Variants in SRGAP3 observed in about 807,000 individuals in gnomAD.
SRGAP3 encodes SLIT-ROBO Rho GTPase activating protein 3, also known as SLIT-ROBO Rho GTPase-activating protein 3.
In SRGAP3, 39 loss-of-function variants were observed where a neutral mutation model predicts 121.1. The observed-to-expected ratio is 0.32, with a 90% CI of 0.25 to 0.42. SRGAP3 has a LOEUF of 0.42. Among genes scored for constraint, SRGAP3 ranks in the 10% least tolerant of loss-of-function variants. SRGAP3 has a pLI of 1.00. For synonymous variants in SRGAP3, 601 were observed against 570.0 expected (o/e 1.05, Z -0.77); for missense variants, 1,213 against 1,470.6 (o/e 0.82, Z 2.86).
At chr3:8,999,780 AT>A (rs1471331769) in intron 18 of SRGAP3, among the ~76,000 whole-genome samples, 1 of 152,094 alleles carries the variant, frequency 6.6e-6, no homozygotes, top group Non-Finnish European at 1.5e-5. Flanking sequence ...ACCAGCTGAT[AT>A]TGAGATTTAG....
At chr3:8,992,866 A>G (rs752146938) in intron 20 of SRGAP3, 40 bp downstream of exon 20, 35 of 1,613,836 alleles carry the variant, frequency 2.2e-5, no homozygotes, top group Non-Finnish European at 2.6e-5. Context: ...CATGAACAGG[A>G]TTGACACCAG....
chr3:9,222,454 A>C (rs1206510438), intron 1 of SRGAP3, among the ~76,000 whole-genome samples: 1 of 152,152 alleles, frequency 6.6e-6, no homozygotes, highest in African/African-American at 2.4e-5. Flanking sequence ...TTTATAATAA[A>C]ATCCATGTAT....
intron 4 of SRGAP3, among the ~76,000 whole-genome samples, chr3:9,066,503 T>C (rs1946435536): frequency 1.3e-5 from 2 of 152,210 alleles, no homozygotes; most frequent in African/African-American, 4.8e-5. Context: ...TCTGTGACTT[T>C]ATTTTTTCTT....
intron 1 of SRGAP3, among the ~76,000 whole-genome samples, chr3:9,126,215 T>C (rs1412739282): frequency 1.3e-5 from 2 of 152,082 alleles, no homozygotes; most frequent in African/African-American, 4.8e-5. Context: ...CCTCCCCTCC[T>C]CACAATGGTC....
intron 1 of SRGAP3, among the ~76,000 whole-genome samples, chr3:9,210,946 G>A (rs1035999150): frequency 2.6e-5 from 4 of 152,072 alleles, no homozygotes; most frequent in Non-Finnish European, 5.9e-5. Flanking sequence ...AATCATAATA[G>A]TATACATTAG....
chr3:9,037,769 A>G, intron 11 of SRGAP3: 2 of 514,956 alleles, frequency 3.9e-6, no homozygotes, highest in Non-Finnish European at 7.1e-6. Flanking sequence ...CACTCTGAGT[A>G]GACAATACTG....
At chr3:9,140,447 C>T (rs1393907205) in intron 1 of SRGAP3, among the ~76,000 whole-genome samples, 2 of 152,052 alleles carry the variant, frequency 1.3e-5, no homozygotes, top group African/African-American at 4.8e-5. Context: ...GAATATACAC[C>T]AAAATGTTAA....
chr3:9,325,037 T>C (rs1214195071), intron 3 of SRGAP3, among the ~76,000 whole-genome samples: 1 of 151,802 alleles, frequency 6.6e-6, no homozygotes, highest in Non-Finnish European at 1.5e-5. Context: ...TTAGCACCAC[T>C]CTCAGTTACC....
chr3:9,169,242 A>G (rs1261126025), intron 1 of SRGAP3, among the ~76,000 whole-genome samples: 9 of 152,258 alleles, frequency 5.9e-5, no homozygotes, highest in Admixed American at 5.2e-4. Context: ...CTGACTGCAA[A>G]GAAGCACTTT....
At chr3:9,179,772 CA>C (rs1482809824) in intron 1 of SRGAP3, among the ~76,000 whole-genome samples, 1 of 152,252 alleles carries the variant, frequency 6.6e-6, no homozygotes, top group Admixed American at 6.5e-5. Context: ...AACACACTTC[CA>C]AGGTGCCATG....
chr3:9,174,669 G>A (rs1233609736), intron 1 of SRGAP3, among the ~76,000 whole-genome samples: 3 of 152,210 alleles, frequency 2.0e-5, no homozygotes, highest in African/African-American at 7.2e-5. Flanking sequence ...TTCCAGCCTC[G>A]CCTGACCTTG....
chr3:9,353,331 A>G (rs923834924), intron 1 of SRGAP3, among the ~76,000 whole-genome samples: 5 of 152,256 alleles, frequency 3.3e-5, no homozygotes, highest in African/African-American at 1.2e-4. Context: ...TTGCAAAAGC[A>G]GTGTTTCAGC....
chr3:9,086,091 A>C lies in SRGAP3; in HGVS notation c.424-6004T>G, dbSNP rs1426129067. Among the ~76,000 whole-genome samples the C allele has an allele frequency of 2.6e-5, 4 of 151,938 alleles. No homozygotes were observed. The East Asian group carries it at 7.7e-4, about 29-fold the overall frequency. ...TTCCCAAGTGGCTGATCCAGAGAAC[A>C]CTCCTTCATCGTTCCCCTAGAAGCT... On this transcript the variant is annotated intron_variant, in intron 3 of 21. Coordinates refer to ENST00000383836, the MANE Select transcript of SRGAP3 (RefSeq NM_014850.4).
intron 1 of SRGAP3, among the ~76,000 whole-genome samples, chr3:9,162,856 A>G (rs1344579694): frequency 6.6e-6 from 1 of 152,068 alleles, no homozygotes; most frequent in East Asian, 1.9e-4. Context: ...AGTGTAAATG[A>G]CTCCAAAAGG....
rs147084185 is a variant in SRGAP3, at chr3:9,051,577, T to C, written c.1323+1450A>G. Among the ~76,000 whole-genome samples, 902 of 152,228 alleles carry C rather than the reference T, an allele frequency of 5.9e-3. 5 individuals carry two copies. Among genetic ancestry groups the C allele is most frequent in the Middle Eastern group, 0.01 (3 of 294 alleles). ...CTTAGGAAGAGTGAGGCCTGGTTAA[T>C]GGCAGCATGTAGGGAAGACAGCTAT... is the stretch of plus-strand genomic sequence containing the variant. On this transcript the variant is annotated intron_variant, in intron 9 of 21. Transcript: ENST00000383836.
intron 4 of SRGAP3, among the ~76,000 whole-genome samples, chr3:9,077,262 TGGAAGCACCAA>T (rs2125254845): frequency 6.6e-6 from 1 of 152,106 alleles, no homozygotes; most frequent in East Asian, 1.9e-4. Flanking sequence ...GTGAGCACCC[TGGAAGCACCAA>T]GGATGTACAA....
chr3:9,342,701 T>G (rs1485934160), intron 1 of SRGAP3, among the ~76,000 whole-genome samples: 3 of 152,172 alleles, frequency 2.0e-5, no homozygotes, highest in Non-Finnish European at 4.4e-5. Context: ...TGGCCTTCAG[T>G]GCCTTTACTT....
At chr3:9,097,048 T>A (rs1395482388) in intron 3 of SRGAP3, among the ~76,000 whole-genome samples, 1 of 146,012 alleles carries the variant, frequency 6.8e-6, no homozygotes, top group Non-Finnish European at 1.5e-5. Context: ...TGGAGTACAG[T>A]GGTACAATCT....
intron 3 of SRGAP3, among the ~76,000 whole-genome samples, chr3:9,323,290 G>T (rs146282151): frequency 6.6e-6 from 1 of 151,876 alleles, no homozygotes; most frequent in African/African-American, 2.4e-5. Flanking sequence ...CAATTTTATG[G>T]AACTATATAC....
Sources: allele counts gnomAD v4.1 joint callset (sites outside exome capture counted in the v4.1 genomes callset), GRCh38; gene constraint gnomAD v4.1.1; transcripts MANE v1.5; gene names NCBI Gene and HGNC (gene_info 2026-07-23, HGNC 2026-07-21).